Variants in WDR77 observed in about 807,000 individuals in gnomAD.
The protein encoded by WDR77 is WD repeat domain 77.
In WDR77, 31 loss-of-function variants were observed where a neutral mutation model predicts 44.0. That is an observed-to-expected ratio of 0.70 (90% confidence interval 0.53 to 0.95). WDR77 has a LOEUF of 0.95. WDR77 is among the 40% of genes least tolerant of loss of function. The probability of loss-of-function intolerance (pLI) is 0.00; values close to 1 mark genes in which losing one functional copy is unlikely to be tolerated. For missense variants in WDR77, 390 were observed against 423.9 expected (o/e 0.92, Z 0.70); for synonymous variants, 186 against 165.7 (o/e 1.12, Z -0.94).
intron 2 of WDR77, 54 bp downstream of exon 2, chr1:111,448,565 T>C: frequency 6.2e-7 from 1 of 1,606,846 alleles, no homozygotes; most frequent in Non-Finnish European, 8.5e-7. Context: ...ACCCCAAGTC[T>C]CCATTCTACC....
In WDR77 at chr1:111,441,262, G is replaced by A; in HGVS notation, c.997C>T (p.Pro333Ser). 1.3e-6 allele frequency: 2 copies of A among 1,576,710 alleles called. No homozygotes were observed. Among genetic ancestry groups the A allele is most frequent in the East Asian group, 2.3e-5 (1 of 43,146 alleles). Reference protein sequence around the residue: ...VHHVVPTEPLPAPGPASVTE With the variant: ...VHHVVPTEPLSAPGPASVTE ...GTAACACTTGCAGGTCCAGGGGCTG[G>A]GAGAGGTTCTGTGGGCACAACGTGG... The change falls in exon 10 of 10, where the codon CCA becomes TCA. Residue 333 changes from proline to serine, a missense_variant. Transcript: ENST00000235090.
Position 111,443,407 on chromosome 1 carries a change from G to A in WDR77, c.620-13C>T. 6.4e-7 allele frequency: 1 copy of A among 1,551,890 alleles called. No homozygotes were observed. The highest frequency in any genetic ancestry group is 8.7e-7 in the Non-Finnish European group (1 of 1,147,010). On this transcript the variant is annotated splice_polypyrimidine_tract_variant and intron_variant, in intron 6 of 9. Coordinates refer to ENST00000235090, the MANE Select transcript of WDR77 (RefSeq NM_024102.4). The stretch of plus-strand genomic sequence containing the variant: ...GGCGCACTGCAGCCTGCAAAGGAGA[G>A]ACGAGGGTCTGGACCAAAACTCAGA...
chr1:111,449,129 G>A lies in WDR77; in HGVS notation c.41C>T (p.Ala14Val), dbSNP rs1571372131. 1 of 1,599,944 alleles carries A rather than the reference G, an allele frequency of 6.3e-7. No individual in the cohort carries two copies. Among genetic ancestry groups the A allele is most frequent in the East Asian group, 2.2e-5 (1 of 44,588 alleles). The change falls in exon 1 of 10, where the codon GCC becomes GTC. Residue 14 changes from alanine to valine, a missense_variant. Ala to Val is a moderately conservative substitution (Grantham distance 64, BLOSUM62 0). Transcript: ENST00000235090. ...ETPPPLVPPAAREWNLPPNAP... is the reference protein window; with the variant it reads ...ETPPPLVPPAVREWNLPPNAP... ...ATTTGGGGGAAGATTCCACTCCCGG[G>A]CCGCCGGGGGCACTAGGGGGGGTGG...
In WDR77 at chr1:111,449,144, A is replaced by AG. The variant is rs769189971; in HGVS notation, c.25dup (p.Leu9ProfsTer54). 28 of 1,508,956 alleles carry AG rather than the reference A, an allele frequency of 1.9e-5. No homozygotes were observed. The highest frequency in any genetic ancestry group is 2.5e-5 in the East Asian group (1 of 40,470). The allele number at this position is 1,508,956 out of a possible 1,614,324, so 93.5% of individuals were successfully genotyped here. On this transcript the variant is annotated frameshift_variant, in exon 1 of 10. Coordinates refer to ENST00000235090, the MANE Select transcript of WDR77 (RefSeq NM_024102.4). LOFTEE classifies it high-confidence loss of function. Reference sequence around the variant, plus strand: ...CCACTCCCGGGCCGCCGGGGGCACTAGGGGGGGTGGGGTTTCCTTCCGCAT... The same window carrying AG: ...CCACTCCCGGGCCGCCGGGGGCACTAGGGGGGGGTGGGGTTTCCTTCCGCAT...
intron 9 of WDR77, 109 bp downstream of exon 9, chr1:111,441,916 T>C: frequency 9.1e-7 from 1 of 1,102,636 alleles, no homozygotes; most frequent in Non-Finnish European, 1.4e-6. Flanking sequence ...CGGATACAGA[T>C]GGAGAATCTG....
intron 4 of WDR77, 28 bp from the exon 5 acceptor site, chr1:111,444,152 G>C (rs1342612657): frequency 1.2e-6 from 2 of 1,609,470 alleles, no homozygotes; most frequent in Non-Finnish European, 1.7e-6. Flanking sequence ...AGAGAAATAT[G>C]ATAGAAAACA....
At position 111,448,779 on chromosome 1, in the gene WDR77, G is replaced by A. The variant is rs773454085; in HGVS notation, c.141C>T (p.Ser47=). Residue 47 remains serine, a synonymous_variant, in exon 2 of 10, where the codon TCC becomes TCT. Transcript: ENST00000235090. ...RSDGALLLGA[S]SLSGRCWAGS... is the part of the protein sequence containing the mutation. ...CGGCCCAGCAGCGCCCACTCAGGCT[G>A]GAGGCCCCGAGGAGAAGCGCCCCAT... 4 of 1,595,744 alleles carry A rather than the reference G, an allele frequency of 2.5e-6. No individual in the cohort carries two copies. Among genetic ancestry groups the A allele is most frequent in the South Asian group, 2.2e-5 (2 of 89,242 alleles).
At position 111,443,932 on chromosome 1, in the gene WDR77, G is replaced by T; in HGVS notation, c.565-11C>A. The T allele has an allele frequency of 6.2e-7, 1 of 1,614,210 alleles. No individual in the cohort carries two copies. The highest frequency in any genetic ancestry group is 8.5e-7 in the Non-Finnish European group (1 of 1,180,030). Reference sequence around the variant, plus strand: ...TAAAATTCTATTGTCCTAGAGGAAGGTGGAACAGAAAAAGGATTTCATAAT... The same window carrying T: ...TAAAATTCTATTGTCCTAGAGGAAGTTGGAACAGAAAAAGGATTTCATAAT... On this transcript the variant is annotated splice_polypyrimidine_tract_variant and intron_variant, in intron 5 of 9. Coordinates refer to ENST00000235090, the MANE Select transcript of WDR77 (RefSeq NM_024102.4).
chr1:111,448,447 A>G (rs547487174), intron 2 of WDR77, among the ~76,000 whole-genome samples, 172 bp downstream of exon 2: 1 of 152,340 alleles, frequency 6.6e-6, no homozygotes, highest in South Asian at 2.1e-4. Context: ...TTAGAATTTT[A>G]GAAAAGGTAT....
rs756220773 is a variant in WDR77, at chr1:111,449,224, G to A, written c.-55C>T. 1.3e-6 allele frequency: 2 copies of A among 1,534,818 alleles called. No individual in the cohort carries two copies. The highest frequency in any genetic ancestry group is 2.4e-5 in the East Asian group (1 of 41,072). On this transcript the variant is annotated 5_prime_UTR_variant, in exon 1 of 10. Coordinates refer to ENST00000235090, the MANE Select transcript of WDR77 (RefSeq NM_024102.4). ...AAACTGGACGCCGGCCGGAGACTCCGCTCCGGCAGCAAACCCCACGTGGTG... is the reference window on the plus strand; with the variant it reads ...AAACTGGACGCCGGCCGGAGACTCCACTCCGGCAGCAAACCCCACGTGGTG...
chr1:111,442,832 T>C, intron 7 of WDR77, 71 bp from the exon 8 acceptor site: 1 of 1,091,162 alleles, frequency 9.2e-7, no homozygotes, highest in Non-Finnish European at 1.3e-6. Flanking sequence ...TGAATCCTAG[T>C]TCCTCGAGCT....
At position 111,441,057 on chromosome 1, in the gene WDR77, A is replaced by C. The variant is rs932761741; in HGVS notation, c.*173T>G. 3.4e-6 allele frequency: 2 copies of C among 582,868 alleles called. No homozygotes were observed. Among genetic ancestry groups the C allele is most frequent in the Non-Finnish European group, 5.2e-6 (2 of 388,148 alleles). 36.1% of individuals were successfully genotyped at this position (582,868 alleles called of 1,614,324 possible). On this transcript the variant is annotated 3_prime_UTR_variant, in exon 10 of 10. Transcript: ENST00000235090. The stretch of plus-strand genomic sequence containing the variant: ...TTTAAGAAAGCTTTTCCTCCCTGTG[A>C]CTACAGGAACCCAGAATCCAGCCTC...
chr1:111,447,292 T>A (rs975022164), intron 3 of WDR77, 143 bp downstream of exon 3: 3 of 1,475,752 alleles, frequency 2.0e-6, no homozygotes, highest in African/African-American at 2.8e-5. Context: ...GACTGCAAAA[T>A]CCCTAAGGAA....
intron 8 of WDR77, 130 bp from the exon 9 acceptor site, chr1:111,442,223 T>C: frequency 3.7e-6 from 3 of 807,792 alleles, no homozygotes; most frequent in Non-Finnish European, 4.1e-6. Context: ...TTGGCTAATC[T>C]GGCTACTACA....
At chr1:111,446,730 T>C (rs534736036) in intron 4 of WDR77, 63 of 182,168 alleles carry the variant, frequency 3.5e-4, no homozygotes, top group Non-Finnish European at 5.9e-4. Context: ...ACAGAAGAGG[T>C]GGAAAAGGAC....
chr1:111,446,716 GA>G, intron 4 of WDR77: 1 of 177,294 alleles, frequency 5.6e-6, no homozygotes, highest in Non-Finnish European at 1.2e-5. Flanking sequence ...CCGATGGTGG[GA>G]AAACAGAAGA....
In WDR77 at chr1:111,442,093, A is replaced by G; in HGVS notation, c.801T>C (p.Ser267=). The stretch of plus-strand genomic sequence containing the variant: ...CACTGAGAGAGGCCAGGAAGGGAAC[A>G]CTATCAGATGGAGGAGAGGGTTGTG... ...CVTGLVFSPH[S]VPFLASLSED... Residue 267 remains serine (S), a splice_region_variant and synonymous_variant, in exon 9 of 10, where the codon AGT becomes AGC. Transcript: ENST00000235090. 3.1e-6 allele frequency: 5 copies of G among 1,613,980 alleles called. No individual in the cohort carries two copies. In the South Asian group the frequency reaches 5.5e-5, roughly 18 times the overall value.
rs1652885723 is a variant in WDR77, at chr1:111,443,266, T to C, written c.691+57A>G. On this transcript the variant is annotated intron_variant, in intron 7 of 9. Transcript: ENST00000235090. ...CCTTGTGTGTTGTGGAGTCAGCTCT[T>C]TCTTTTTCCTCCTCCCCTTTCCCAG... 4.6e-6 allele frequency: 7 copies of C among 1,517,718 alleles called. No homozygotes were observed. The East Asian group carries it at 1.7e-4, about 37-fold the overall frequency. The allele number at this position is 1,517,718 out of a possible 1,614,324, so 94.0% of individuals were successfully genotyped here.
intron 9 of WDR77, 33 bp from the exon 10 acceptor site, chr1:111,441,422 G>C (rs1056115692): frequency 1.4e-6 from 2 of 1,450,966 alleles, no homozygotes; most frequent in Non-Finnish European, 1.8e-6. Flanking sequence ...GGGCAGAGTA[G>C]AGACAAGAAA....
Sources: allele counts gnomAD v4.1 joint callset (sites outside exome capture counted in the v4.1 genomes callset), GRCh38; gene constraint gnomAD v4.1.1; transcripts MANE v1.5; gene names NCBI Gene and HGNC (gene_info 2026-07-23, HGNC 2026-07-21).